SLC9B1: variants seen among roughly 807,000 people sequenced by gnomAD.
SLC9B1 encodes solute carrier family 9 member B1, also known as sodium/hydrogen exchanger 9B1.
A neutral mutation model predicts 51.7 loss-of-function variants in SLC9B1; 32 were observed. That is an observed-to-expected ratio of 0.62 (90% CI 0.47 to 0.83). The LOEUF is 0.83. SLC9B1 is among the 40% of genes least tolerant of loss of function. The pLI is 0.00. For missense variants in SLC9B1, 406 were observed against 613.2 expected (o/e 0.66, Z 3.57); for synonymous variants, 145 against 212.7 (o/e 0.68, Z 2.77).
chr4:102,993,687 T>A (rs1740069981), intron 1 of SLC9B1, among the ~76,000 whole-genome samples: 1 of 152,206 alleles, frequency 6.6e-6, no homozygotes, highest in Non-Finnish European at 1.5e-5. Context: ...CTAGCAGAGG[T>A]TCTCCATGAG....
intron 1 of SLC9B1, among the ~76,000 whole-genome samples, chr4:102,998,731 G>T (rs1740358383): frequency 6.6e-6 from 1 of 152,046 alleles, no homozygotes; most frequent in African/African-American, 2.4e-5. Flanking sequence ...ATCCCAATAG[G>T]TGTGAATGGT....
Position 102,922,480 on chromosome 4 carries a change from T to C in SLC9B1, c.829+9644A>G, listed in dbSNP as rs546499215. Among the ~76,000 whole-genome samples, 36 of 152,002 alleles carry C rather than the reference T, an allele frequency of 2.4e-4. No homozygotes were observed. The South Asian group carries it at 6.9e-3, about 29-fold the overall frequency. Reference sequence around the variant, plus strand: ...GCAGGAAAGATCTAAAATTGACACCTTAACATCACAATTAAAAGAACTAGA... The same window carrying C: ...GCAGGAAAGATCTAAAATTGACACCCTAACATCACAATTAAAAGAACTAGA... On this transcript the variant is annotated intron_variant, in intron 7 of 11. Coordinates refer to ENST00000296422, the MANE Select transcript of SLC9B1 (RefSeq NM_139173.4).
intron 3 of SLC9B1, among the ~76,000 whole-genome samples, chr4:102,988,871 G>A (rs899548014): frequency 1.3e-5 from 2 of 152,082 alleles, no homozygotes; most frequent in Admixed American, 6.6e-5. Context: ...TCCACACTCA[G>A]TGAATAATTT....
At position 102,969,728 on chromosome 4, in the gene SLC9B1, C is replaced by T. The variant is rs529456428; in HGVS notation, c.211+20072G>A. Among the ~76,000 whole-genome samples, 5 of 152,210 alleles carry T rather than the reference C, an allele frequency of 3.3e-5. No homozygotes were observed. In the South Asian group the frequency reaches 8.3e-4, roughly 25 times the overall value. ...GATGTTCGAACCCATTGCAAGGAAG[C>T]TAAAAACCTTGAACAACGATTAGAT... On this transcript the variant is annotated intron_variant, in intron 3 of 11. Transcript: ENST00000296422.
At chr4:102,975,663 G>A (rs866330716) in intron 3 of SLC9B1, among the ~76,000 whole-genome samples, 1 of 133,244 alleles carries the variant, frequency 7.5e-6, no homozygotes, top group African/African-American at 2.9e-5. Flanking sequence ...CGCCTCCTGG[G>A]GATCAAGCGA....
chr4:102,957,039 T>A (rs1013252437), intron 3 of SLC9B1, among the ~76,000 whole-genome samples: 4 of 151,972 alleles, frequency 2.6e-5, no homozygotes, highest in African/African-American at 9.7e-5. Context: ...AGTGAAAAAA[T>A]CACTAGCGAG....
intron 1 of SLC9B1, among the ~76,000 whole-genome samples, chr4:103,010,454 T>A (rs1442965021): frequency 6.6e-6 from 1 of 152,230 alleles, no homozygotes; most frequent in African/African-American, 2.4e-5. Flanking sequence ...ACAATCAACA[T>A]GAGTTTTGGA....
chr4:102,935,744 TG>T (rs1736690214), intron 6 of SLC9B1, among the ~76,000 whole-genome samples: 1 of 152,338 alleles, frequency 6.6e-6, no homozygotes, highest in African/African-American at 2.4e-5. Context: ...CAAATACACT[TG>T]TTAGAAGTCC....
At chr4:102,995,974 G>A (rs72665007) in intron 1 of SLC9B1, among the ~76,000 whole-genome samples, 60 of 152,176 alleles carry the variant, frequency 3.9e-4, no homozygotes, top group South Asian at 1.2e-3. Context: ...ATGGATGCAG[G>A]AAAGTTAAGT....
Position 102,885,524 on chromosome 4 carries a change from G to A in SLC9B1, c.1333-196C>T. ...AGTTTTGAAGTTCTTTAAGATGAGA[G>A]AATTTTCTGTAATATTTGGTATTGA... On this transcript the variant is annotated intron_variant, in intron 11 of 11. Transcript: ENST00000394789. 3 of 956,084 alleles carry A rather than the reference G, an allele frequency of 3.1e-6. No homozygotes were observed. In the South Asian group the frequency reaches 4.1e-5, roughly 13 times the overall value. 59.2% of individuals were successfully genotyped at this position (956,084 alleles called of 1,614,324 possible). A position where few individuals can be genotyped will look rare whatever the true frequency, so the allele number is the denominator to read the frequency against.
At chr4:102,902,193 T>A (rs1484051991) in intron 11 of SLC9B1, among the ~76,000 whole-genome samples, 1 of 152,190 alleles carries the variant, frequency 6.6e-6, no homozygotes, top group African/African-American at 2.4e-5. Flanking sequence ...TTGTGTTTAA[T>A]AATCTAGGCA....
At chr4:103,014,341 C>T (rs1433914574) in intron 1 of SLC9B1, among the ~76,000 whole-genome samples, 2 of 152,232 alleles carry the variant, frequency 1.3e-5, no homozygotes, top group African/African-American at 2.4e-5. Context: ...CAACATGCAT[C>T]CTTATCATGG....
intron 3 of SLC9B1, among the ~76,000 whole-genome samples, chr4:102,957,782 A>T (rs1351549147): frequency 6.8e-6 from 1 of 146,874 alleles, no homozygotes; most frequent in South Asian, 2.1e-4. Flanking sequence ...ATGTGTGTAT[A>T]TGTGTGTGTG....
chr4:102,970,563 G>A (rs1372414176), intron 3 of SLC9B1, among the ~76,000 whole-genome samples: 1 of 152,156 alleles, frequency 6.6e-6, no homozygotes, highest in South Asian at 2.1e-4. Context: ...TCGATCCTAG[G>A]AAGAAACTGC....
At chr4:102,980,833 C>G (rs569392181) in intron 3 of SLC9B1, among the ~76,000 whole-genome samples, 1 of 152,264 alleles carries the variant, frequency 6.6e-6, no homozygotes, top group African/African-American at 2.4e-5. Context: ...ATTGATAAAC[C>G]TATATTAACA....
intron 11 of SLC9B1, chr4:102,888,541 T>C (rs1322442777): frequency 6.6e-6 from 1 of 152,260 alleles, no homozygotes; most frequent in African/African-American, 2.4e-5. Context: ...CAAAAAAGTT[T>C]GTGAAATAAA....
At position 102,926,177 on chromosome 4, in the gene SLC9B1, A is replaced by G. The variant is rs1736161940; in HGVS notation, c.829+5947T>C. On this transcript the variant is annotated intron_variant, in intron 7 of 11. Transcript: ENST00000296422. ...CAAAAACTGGAAGCATTCCTTTTGA[A>G]AACCGGCACAAGACAAGGATGCCCT... 4.6e-5 allele frequency among the ~76,000 whole-genome samples: 7 copies of G among 152,410 alleles called. No homozygotes were observed. The South Asian group carries it at 1.4e-3, about 32-fold the overall frequency.
downstream of SLC9B1, among the ~76,000 whole-genome samples, chr4:102,898,788 C>G (rs1290518908): frequency 6.6e-6 from 1 of 152,300 alleles, no homozygotes; most frequent in African/African-American, 2.4e-5. Context: ...AGTGCAGTGG[C>G]GTGATCTTGG....
chr4:102,956,314 TAAA>T (rs35614802), intron 3 of SLC9B1, among the ~76,000 whole-genome samples: 8 of 133,208 alleles, frequency 6.0e-5, no homozygotes, highest in East Asian at 2.1e-4. Context: ...TGAGTATTAC[TAAA>T]AAAAAAAAAA....
Sources: allele counts gnomAD v4.1 joint callset (sites outside exome capture counted in the v4.1 genomes callset), GRCh38; gene constraint gnomAD v4.1.1; transcripts MANE v1.5; gene names NCBI Gene and HGNC (gene_info 2026-07-23, HGNC 2026-07-21).